Variants in BACH2 observed in about 807,000 individuals in gnomAD.
The protein encoded by BACH2 is transcription regulator protein BACH2.
BACH2 carries 5 observed loss-of-function variants against 61.8 expected under a neutral mutation model. The observed-to-expected ratio is 0.08, with a 90% CI of 0.04 to 0.17. BACH2 has a LOEUF of 0.17. Among genes scored for constraint, BACH2 ranks in the 10% least tolerant of loss-of-function variants. BACH2 has a pLI of 1.00. For synonymous variants in BACH2, 446 were observed against 440.1 expected (o/e 1.01, Z -0.17); for missense variants, 824 against 1,091.1 (o/e 0.76, Z 3.45).
At chr6:90,181,465 T>C (rs528826843) in intron 4 of BACH2, among the ~76,000 whole-genome samples, 1 of 152,030 alleles carries the variant, frequency 6.6e-6, no homozygotes, top group African/African-American at 2.4e-5. Context: ...AGTTGTTGTT[T>C]TTTTTTTAAA....
intron 4 of BACH2, among the ~76,000 whole-genome samples, chr6:90,117,715 G>C (rs1181186619): frequency 1.3e-5 from 2 of 152,038 alleles, no homozygotes; most frequent in African/African-American, 4.8e-5. Flanking sequence ...AGACAAAACA[G>C]GTAATTCTAG....
chr6:90,145,885 G>T (rs1021323460), intron 4 of BACH2, among the ~76,000 whole-genome samples: 7 of 152,156 alleles, frequency 4.6e-5, no homozygotes, highest in Non-Finnish European at 1.0e-4. Context: ...AACCGGTAGA[G>T]GAAGACAATG....
At chr6:90,136,087 A>G (rs1231391979) in intron 4 of BACH2, among the ~76,000 whole-genome samples, 2 of 152,186 alleles carry the variant, frequency 1.3e-5, no homozygotes, top group Admixed American at 1.3e-4. Flanking sequence ...TTCCTCAGAC[A>G]TCACCTAGCC....
rs561379654 is a variant in BACH2 at position 90,138,000 on chromosome 6, G to A, written c.-161-48891C>T. 8.6e-5 allele frequency among the ~76,000 whole-genome samples: 13 copies of A among 151,158 alleles called. No individual in the cohort carries two copies. The East Asian group carries it at 2.1e-3, about 25-fold the overall frequency. On this transcript the variant is annotated intron_variant, in intron 4 of 8. Coordinates refer to ENST00000257749, the MANE Select transcript of BACH2 (RefSeq NM_021813.4). ...AAGAAGTGGTGACAGCGATGACTTC[G>A]CAGATTCTCCCAGCCCTAATACTCT...
intron 6 of BACH2, among the ~76,000 whole-genome samples, chr6:89,987,063 TAGAAA>T (rs1356569898): frequency 2.0e-5 from 3 of 152,146 alleles, no homozygotes; most frequent in Non-Finnish European, 4.4e-5. Context: ...CTCTCTGTCT[TAGAAA>T]AGATGTGAGT....
chr6:90,197,582 G>A (rs1038618155), intron 4 of BACH2, among the ~76,000 whole-genome samples: 4 of 152,114 alleles, frequency 2.6e-5, no homozygotes, highest in African/African-American at 4.8e-5. Flanking sequence ...TCCCCTGGCC[G>A]TTGTTGTAGG....
At chr6:89,937,471 T>C (rs1015986265) in intron 8 of BACH2, among the ~76,000 whole-genome samples, 14 of 152,302 alleles carry the variant, frequency 9.2e-5, no homozygotes, top group Admixed American at 5.9e-4. Context: ...AATGGGATCA[T>C]CCATAAAAAC....
chr6:90,028,663 A>T (rs1307384798), intron 5 of BACH2, among the ~76,000 whole-genome samples: 1 of 152,170 alleles, frequency 6.6e-6, no homozygotes, highest in Admixed American at 6.5e-5. Flanking sequence ...TTAAAACACA[A>T]ACGTGGGAAA....
intron 4 of BACH2, among the ~76,000 whole-genome samples, chr6:90,106,725 T>A (rs1037702650): frequency 1.3e-5 from 2 of 152,190 alleles, no homozygotes; most frequent in African/African-American, 4.8e-5. Context: ...TGGCGCTGAT[T>A]AAATACCTCT....
At chr6:90,005,748 C>G (rs1370314139) in intron 6 of BACH2, among the ~76,000 whole-genome samples, 2 of 152,148 alleles carry the variant, frequency 1.3e-5, no homozygotes, top group South Asian at 4.1e-4. Context: ...CAACAAGATA[C>G]TTAGAGCTGG....
chr6:90,258,654 T>C (rs1254079672), intron 2 of BACH2, among the ~76,000 whole-genome samples: 1 of 152,204 alleles, frequency 6.6e-6, no homozygotes, highest in East Asian at 1.9e-4. Context: ...TTGCTTTGGG[T>C]ACTATGGACA....
intron 6 of BACH2, among the ~76,000 whole-genome samples, chr6:89,980,204 G>A (rs1480489039): frequency 6.6e-6 from 1 of 151,778 alleles, no homozygotes; most frequent in Non-Finnish European, 1.5e-5. Flanking sequence ...TGAAGCAAGA[G>A]AATTGCTTGA....
At chr6:90,272,291 T>C (rs1321638983) in intron 1 of BACH2, among the ~76,000 whole-genome samples, 1 of 151,982 alleles carries the variant, frequency 6.6e-6, no homozygotes, top group African/African-American at 2.4e-5. Context: ...TTCTCCTCTC[T>C]CTCCTGCTTC....
At chr6:90,264,757 C>T (rs1053929934) in intron 2 of BACH2, among the ~76,000 whole-genome samples, 1 of 152,222 alleles carries the variant, frequency 6.6e-6, no homozygotes, top group East Asian at 1.9e-4. Context: ...GGGGTTTCCT[C>T]GTCTTTCCCT....
chr6:90,012,511 T>C (rs1030640174), intron 5 of BACH2, among the ~76,000 whole-genome samples: 6 of 151,294 alleles, frequency 4.0e-5, no homozygotes, highest in Admixed American at 3.3e-4. Flanking sequence ...GTGCCTGTAA[T>C]CCCAGCTACT....
At chr6:90,280,099 G>T (rs1485993751) in intron 1 of BACH2, among the ~76,000 whole-genome samples, 1 of 151,990 alleles carries the variant, frequency 6.6e-6, no homozygotes, top group Non-Finnish European at 1.5e-5. Context: ...TTCCCATAAG[G>T]TCAAAATATG....
At chr6:89,949,106 C>T (rs756987013) in intron 7 of BACH2, among the ~76,000 whole-genome samples, 3 of 152,194 alleles carry the variant, frequency 2.0e-5, no homozygotes, top group East Asian at 1.9e-4. Context: ...CTGTGAAAAG[C>T]CACCTCATCC....
Position 90,008,312 on chromosome 6 carries a change from A to T in BACH2, c.243+290T>A, listed in dbSNP as rs1777523488. 1 of 472,564 alleles carries T rather than the reference A, an allele frequency of 2.1e-6. No homozygotes were observed. Among genetic ancestry groups the T allele is most frequent in the African/African-American group, 2.0e-5 (1 of 51,058 alleles). 29.3% of individuals were successfully genotyped at this position (472,564 alleles called of 1,614,324 possible). ...CAGATCCCACATCTAGGACTGTGCC[A>T]AACTTAGGCTGAACCACTCAAAACC... On this transcript the variant is annotated intron_variant, in intron 6 of 8. Transcript: ENST00000257749. The surrounding 1 kb of genome is among the most constrained non-coding windows in gnomAD (Gnocchi z 4.1).
chr6:90,227,276 C>A (rs1215445068), intron 3 of BACH2, among the ~76,000 whole-genome samples: 1 of 152,222 alleles, frequency 6.6e-6, no homozygotes, highest in Non-Finnish European at 1.5e-5. Context: ...ATTCTCCCGT[C>A]TGCATGATCC....
Sources: gnomAD v4.1 joint callset for allele counts (sites outside exome capture counted in the v4.1 genomes callset) on GRCh38, gnomAD v4.1.1 for gene constraint, Gnocchi (gnomAD v3.1) non-coding constraint, MANE v1.5 for transcripts, NCBI Gene and HGNC (gene_info 2026-07-23, HGNC 2026-07-21) for gene names.